The following JMJD1C variants were observed in gnomAD, a reference collection of about 807,000 sequenced individuals.
The protein encoded by JMJD1C is jumonji domain-containing protein 1C.
Under a neutral mutation model 245.3 loss-of-function variants are expected in JMJD1C, and 31 were observed. The ratio of observed to expected loss-of-function variants is 0.13; its 90% CI spans 0.09 to 0.17. The LOEUF (loss-of-function observed/expected upper bound fraction) is 0.17, where lower values mean the gene tolerates loss of function less well. Ranked by LOEUF, JMJD1C falls within the 10% of genes least tolerant of loss-of-function variation. JMJD1C has a pLI of 1.00. For synonymous variants in JMJD1C, 1,057 were observed against 1,017.4 expected, an observed-to-expected ratio of 1.04 and a Z score of -0.74; for missense variants, 2,691 against 3,000.2, an observed-to-expected ratio of 0.90 and a Z score of 2.41.
At chr10:63,374,845 T>C (rs1165307919) in intron 2 of JMJD1C, among the ~76,000 whole-genome samples, 2 of 152,204 alleles carry the variant, frequency 1.3e-5, no homozygotes, top group Non-Finnish European at 2.9e-5. Context: ...GCTAAAACTA[T>C]GTTTAAAAGA....
chr10:63,321,127 A>G (rs929313637), intron 2 of JMJD1C, among the ~76,000 whole-genome samples: 1 of 152,246 alleles, frequency 6.6e-6, no homozygotes, highest in Non-Finnish European at 1.5e-5. Flanking sequence ...CACAGGGATG[A>G]AAGTTCCTGT....
intron 2 of JMJD1C, among the ~76,000 whole-genome samples, chr10:63,322,371 C>T (rs1164873411): frequency 2.0e-5 from 3 of 152,042 alleles, no homozygotes; most frequent in Non-Finnish European, 4.4e-5. Flanking sequence ...TATATGCCAA[C>T]CTGCAGTATA....
At chr10:63,192,129 A>G (rs982774257) in intron 16 of JMJD1C, among the ~76,000 whole-genome samples, 1 of 151,780 alleles carries the variant, frequency 6.6e-6, no homozygotes, top group South Asian at 2.1e-4. Context: ...TAGTCAAAGG[A>G]AGGCTAAGGC....
intron 2 of JMJD1C, among the ~76,000 whole-genome samples, chr10:63,363,753 A>G (rs185871239): frequency 1.1e-3 from 167 of 151,294 alleles, no homozygotes; most frequent in Admixed American, 3.0e-3. Context: ...GTGATGGCTC[A>G]CTGTAATCTC....
chr10:63,515,114 C>A (rs1954979609), intron 1 of JMJD1C, among the ~76,000 whole-genome samples: 1 of 152,096 alleles, frequency 6.6e-6, no homozygotes, highest in Non-Finnish European at 1.5e-5. Flanking sequence ...TTTTTCCTCC[C>A]TTCAAATGGA....
intron 2 of JMJD1C, among the ~76,000 whole-genome samples, chr10:63,352,425 G>A (rs1944439277): frequency 6.6e-6 from 1 of 152,068 alleles, no homozygotes; most frequent in African/African-American, 2.4e-5. Context: ...ATCACTTGAG[G>A]CCAGGAGTTA....
chr10:63,214,978 G>A lies in JMJD1C; in HGVS notation c.1189C>T (p.Pro397Ser). Residue 397 changes from proline to serine, a missense_variant, in exon 8 of 26, where the codon CCA becomes TCA. Pro to Ser is a moderately conservative substitution (Grantham distance 74). Around this residue, in one of 9 missense-constraint regions of JMJD1C, gnomAD observed 1,562 missense variants for 1,490.7 expected, o/e 1.05. Transcript: ENST00000399262. ...RIIDNSSEQK[P>S]ENELKNKNTS... Reference sequence around the variant, plus strand: ...TTTTTATTTTTCAATTCATTCTCTGGCTTCTGTTCTGAGGAATTATCTATT... The same window carrying A: ...TTTTTATTTTTCAATTCATTCTCTGACTTCTGTTCTGAGGAATTATCTATT... 6.3e-7 allele frequency: 1 copy of A among 1,597,382 alleles called. No individual in the cohort carries two copies. The highest frequency in any genetic ancestry group is 8.5e-7 in the Non-Finnish European group (1 of 1,172,050).
intron 1 of JMJD1C, among the ~76,000 whole-genome samples, chr10:63,432,899 C>T (rs1324163177): frequency 6.6e-6 from 1 of 152,188 alleles, no homozygotes; most frequent in African/African-American, 2.4e-5. Context: ...CTTAATCTTT[C>T]ATGACAATTC....
intron 2 of JMJD1C, among the ~76,000 whole-genome samples, chr10:63,292,559 C>T (rs189792978): frequency 1.3e-5 from 2 of 152,014 alleles, no homozygotes; most frequent in Non-Finnish European, 2.9e-5. Context: ...TGCAACGAGC[C>T]GAGATCACGC....
At chr10:63,305,009 T>C (rs1564759857) in intron 2 of JMJD1C, among the ~76,000 whole-genome samples, 1 of 152,096 alleles carries the variant, frequency 6.6e-6, no homozygotes, top group African/African-American at 2.4e-5. Flanking sequence ...CATGGTGCCA[T>C]GTGCCTGTAG....
rs966782955 is a variant in JMJD1C at position 63,180,801 on chromosome 10, C to T, written c.7084+2646G>A. Among the ~76,000 whole-genome samples, 319 of 148,256 alleles carry T rather than the reference C, an allele frequency of 2.2e-3. 2 individuals carry two copies. The highest frequency in any genetic ancestry group is 7.5e-3 in the African/African-American group (302 of 40,180). On this transcript the variant is annotated intron_variant, in intron 22 of 25. Coordinates refer to ENST00000399262, the MANE Select transcript of JMJD1C (RefSeq NM_032776.3). ...TTTTTTTTTTTGAGACGGAGTCTCG[C>T]TCTGTCGCCCAGGCTGGAGTGCAGT...
chr10:63,491,597 C>T (rs1954177873), intron 1 of JMJD1C, among the ~76,000 whole-genome samples: 2 of 152,194 alleles, frequency 1.3e-5, no homozygotes, highest in South Asian at 2.1e-4. Context: ...GTATAAAATA[C>T]TACCCAAGCC....
At chr10:63,454,696 G>A (rs1319057691) in intron 1 of JMJD1C, among the ~76,000 whole-genome samples, 1 of 152,202 alleles carries the variant, frequency 6.6e-6, no homozygotes, top group Non-Finnish European at 1.5e-5. Flanking sequence ...CTCCCAAAGT[G>A]CTGAGATTAC....
chr10:63,372,087 G>A (rs1183206101), intron 2 of JMJD1C, among the ~76,000 whole-genome samples: 1 of 152,186 alleles, frequency 6.6e-6, no homozygotes, highest in Non-Finnish European at 1.5e-5. Flanking sequence ...AGGTAATCTT[G>A]TCCCAAAGAG....
chr10:63,212,472 C>G (rs1847480794), intron 8 of JMJD1C, among the ~76,000 whole-genome samples: 1 of 152,042 alleles, frequency 6.6e-6, no homozygotes, highest in African/African-American at 2.4e-5. Context: ...TAGTATTGCT[C>G]TCAATAACCA....
Position 63,400,717 on chromosome 10 carries a change from A to G in JMJD1C, c.169-20235T>C, listed in dbSNP as rs532670857. Among the ~76,000 whole-genome samples, 101 of 152,014 alleles carry G rather than the reference A, an allele frequency of 6.6e-4. 1 individual carries two copies. Among genetic ancestry groups the G allele is most frequent in the African/African-American group, 2.3e-3 (97 of 41,436 alleles). On this transcript the variant is annotated intron_variant, in intron 1 of 25. Coordinates refer to ENST00000399262, the MANE Select transcript of JMJD1C (RefSeq NM_032776.3). ...AGCTGAGATTACAGATGCAACCACC[A>G]CACCCGGCTGATTTTTGTACTTTTA...
chr10:63,391,508 TCAA>T (rs140504932), intron 1 of JMJD1C, among the ~76,000 whole-genome samples: 5,988 of 149,366 alleles, frequency 0.04, 339 homozygotes, highest in East Asian at 0.28. Context: ...AGACTCCGTC[TCAA>T]CAACAACAAC....
chr10:63,419,680 C>G (rs984462444), intron 1 of JMJD1C, among the ~76,000 whole-genome samples: 4 of 151,894 alleles, frequency 2.6e-5, no homozygotes, highest in East Asian at 3.9e-4. Flanking sequence ...CAAAAGTAAC[C>G]CAGAATTAAG....
chr10:63,251,705 A>G (rs149103248), intron 3 of JMJD1C, among the ~76,000 whole-genome samples: 2 of 152,312 alleles, frequency 1.3e-5, no homozygotes, highest in East Asian at 3.9e-4. Context: ...TATGCCACAT[A>G]AATACTTTGC....
Sources: allele counts gnomAD v4.1 joint callset (sites outside exome capture counted in the v4.1 genomes callset), GRCh38; gene constraint gnomAD v4.1.1; regional missense constraint gnomAD v4.1.1; transcripts MANE v1.5; gene names NCBI Gene and HGNC (gene_info 2026-07-23, HGNC 2026-07-21).